CDK14: variants seen among roughly 807,000 people sequenced by gnomAD.
CDK14 encodes the protein cyclin dependent kinase 14, also known as cyclin-dependent kinase 14.
In CDK14, 34 loss-of-function variants were observed where a neutral mutation model predicts 60.7. The observed-to-expected ratio is 0.56, with a 90% confidence interval of 0.43 to 0.75. The LOEUF (loss-of-function observed/expected upper bound fraction) is 0.75, where lower values mean the gene tolerates loss of function less well. CDK14 is among the 30% of genes least tolerant of loss of function. The pLI, the probability that CDK14 is intolerant of heterozygous loss-of-function variation, is 0.00. For missense variants in CDK14, 482 were observed against 564.1 expected (o/e 0.85, Z 1.47); for synonymous variants, 197 against 203.7 (o/e 0.97, Z 0.28).
intron 2 of CDK14, among the ~76,000 whole-genome samples, chr7:90,672,325 G>A (rs562141589): frequency 2.6e-5 from 4 of 151,522 alleles, no homozygotes; most frequent in Admixed American, 2.6e-4. Context: ...ACCCACTTAC[G>A]TGCCCTCCTT....
intron 9 of CDK14, among the ~76,000 whole-genome samples, chr7:90,961,158 T>C (rs758848492): frequency 7.9e-5 from 12 of 152,136 alleles, no homozygotes; most frequent in Non-Finnish European, 1.6e-4. Context: ...TGGTCTTTAT[T>C]TTACCACTAG....
intron 10 of CDK14, among the ~76,000 whole-genome samples, chr7:90,993,525 G>C (rs1282717424): frequency 6.6e-6 from 1 of 151,964 alleles, no homozygotes; most frequent in African/African-American, 2.4e-5. Context: ...AGAAGAAGGG[G>C]AAGGAAGGAG....
rs34902431 is a variant in CDK14, at chr7:90,786,926, CAAA to C, written c.465-3630_465-3628del. On this transcript the variant is annotated intron_variant, in intron 4 of 14. Transcript: ENST00000380050. ...GGACAACAGAGTGAGACCCTGTCTC[CAAA>C]AAAAAAAAAAAAAAAAGGTTTAAAA... Among the ~76,000 whole-genome samples, 795 of 87,720 alleles carry C rather than the reference CAAA, an allele frequency of 9.1e-3. 10 individuals carry two copies. Among genetic ancestry groups the C allele is most frequent in the African/African-American group, 0.033 (732 of 22,512 alleles). The allele number at this position is 87,720 out of a possible 152,430, so 57.5% of individuals were successfully genotyped here.
chr7:91,175,101 C>T (rs953131661), intron 14 of CDK14, among the ~76,000 whole-genome samples: 32 of 147,460 alleles, frequency 2.2e-4, no homozygotes, highest in Non-Finnish European at 3.9e-4. Flanking sequence ...AGACTAACAG[C>T]GGATCTCTCG....
intron 5 of CDK14, among the ~76,000 whole-genome samples, chr7:90,813,187 G>T (rs1034198916): frequency 6.6e-5 from 10 of 152,150 alleles, no homozygotes; most frequent in African/African-American, 2.4e-4. Flanking sequence ...TTTTGAGATG[G>T]AATCTTGCTC....
intron 5 of CDK14, among the ~76,000 whole-genome samples, chr7:90,828,451 A>G (rs1445260202): frequency 6.6e-6 from 1 of 152,224 alleles, no homozygotes; most frequent in Non-Finnish European, 1.5e-5. Flanking sequence ...CATTCTTCTG[A>G]ATCGGGAGAC....
intron 5 of CDK14, among the ~76,000 whole-genome samples, chr7:90,860,156 G>A (rs1226234160): frequency 6.6e-6 from 1 of 151,982 alleles, no homozygotes; most frequent in Non-Finnish European, 1.5e-5. Flanking sequence ...GTGTATAAAT[G>A]CTCATATATT....
intron 10 of CDK14, among the ~76,000 whole-genome samples, chr7:91,045,490 A>G (rs1009744473): frequency 2.6e-5 from 4 of 152,180 alleles, no homozygotes; most frequent in African/African-American, 9.7e-5. Flanking sequence ...TGGGGTAGAA[A>G]TGGAAGAATT....
intron 3 of CDK14, among the ~76,000 whole-genome samples, chr7:90,735,058 A>G (rs1327661515): frequency 6.6e-6 from 1 of 152,028 alleles, no homozygotes; most frequent in Non-Finnish European, 1.5e-5. Flanking sequence ...TTTTCTTTCT[A>G]ACAGGCGCTT....
In CDK14 at chr7:90,782,669, C is replaced by G. The variant is rs1024942945; in HGVS notation, c.465-7904C>G. On this transcript the variant is annotated intron_variant, in intron 4 of 14. Coordinates refer to ENST00000380050, the MANE Select transcript of CDK14 (RefSeq NM_001287135.2). ...CACTCCACACACAGGCTCATAGTCT[C>G]TCCATTAATATTTATTGAATAAGGG... Among the ~76,000 whole-genome samples, 7 of 152,066 alleles carry G rather than the reference C, an allele frequency of 4.6e-5. No homozygotes were observed. The East Asian group carries it at 1.3e-3, about 29-fold the overall frequency.
intron 3 of CDK14, among the ~76,000 whole-genome samples, chr7:90,733,800 AT>A (rs1802972550): frequency 6.6e-6 from 1 of 152,116 alleles, no homozygotes; most frequent in Non-Finnish European, 1.5e-5. Flanking sequence ...CATTTGACCT[AT>A]TTACATTTTA....
intron 5 of CDK14, among the ~76,000 whole-genome samples, chr7:90,815,300 A>G (rs1306986127): frequency 6.6e-6 from 1 of 152,206 alleles, no homozygotes; most frequent in African/African-American, 2.4e-5. Context: ...TGGCCATATC[A>G]ACAAACATAT....
chr7:90,748,583 G>A (rs1429441970), intron 4 of CDK14, among the ~76,000 whole-genome samples: 1 of 152,156 alleles, frequency 6.6e-6, no homozygotes, highest in Non-Finnish European at 1.5e-5. Context: ...CTTTATAGAA[G>A]ATAGGACTTT....
At chr7:90,898,006 C>T (rs1792389474) in intron 6 of CDK14, among the ~76,000 whole-genome samples, 1 of 152,064 alleles carries the variant, frequency 6.6e-6, no homozygotes, top group African/African-American at 2.4e-5. Flanking sequence ...AGAGCATTTT[C>T]TCTGACCCAT....
intron 10 of CDK14, among the ~76,000 whole-genome samples, chr7:90,992,918 T>C (rs1795580064): frequency 6.6e-6 from 1 of 152,184 alleles, no homozygotes; most frequent in Non-Finnish European, 1.5e-5. Flanking sequence ...TGAATACGTA[T>C]TCCAAGTAGG....
At chr7:91,121,909 G>C (rs1177079185) in intron 14 of CDK14, among the ~76,000 whole-genome samples, 1 of 152,096 alleles carries the variant, frequency 6.6e-6, no homozygotes, top group East Asian at 1.9e-4. Flanking sequence ...ACTTATTTTT[G>C]CATGCAGTGA....
intron 8 of CDK14, among the ~76,000 whole-genome samples, chr7:90,945,063 GGCT>G (rs1401160793): frequency 6.6e-6 from 1 of 152,148 alleles, no homozygotes. Flanking sequence ...TAATTTGATT[GGCT>G]GCTAACAGTT....
intron 14 of CDK14, among the ~76,000 whole-genome samples, chr7:91,133,547 A>C (rs143844819): frequency 2.6e-3 from 400 of 152,312 alleles, no homozygotes; most frequent in African/African-American, 9.1e-3. Context: ...AATTGAAGTT[A>C]TTAAGCCAAG....
At chr7:91,161,797 C>CT (rs1206999270) in intron 14 of CDK14, among the ~76,000 whole-genome samples, 1 of 152,168 alleles carries the variant, frequency 6.6e-6, no homozygotes, top group African/African-American at 2.4e-5. Flanking sequence ...CTATAAGATA[C>CT]TGCTAAATCC....
Sources: allele counts gnomAD v4.1 joint callset (sites outside exome capture counted in the v4.1 genomes callset), GRCh38; gene constraint gnomAD v4.1.1; transcripts MANE v1.5; gene names NCBI Gene and HGNC (gene_info 2026-07-23, HGNC 2026-07-21).